The following ZSWIM6 variants were observed in gnomAD, a reference collection of about 807,000 sequenced individuals.
ZSWIM6 encodes the protein zinc finger SWIM-type containing 6, also known as zinc finger SWIM domain-containing protein 6.
In ZSWIM6, 9 loss-of-function variants were observed where a neutral mutation model predicts 113.2. The observed-to-expected ratio is 0.08, with a 90% CI of 0.05 to 0.14. The LOEUF is 0.14. Ranked by LOEUF, ZSWIM6 falls within the 10% of genes least tolerant of loss-of-function variation. The pLI is 1.00. For synonymous variants in ZSWIM6, 611 were observed against 606.5 expected (o/e 1.01, Z -0.11); for missense variants, 1,162 against 1,552.2 (o/e 0.75, Z 4.22).
rs10514910 is a variant in ZSWIM6, at chr5:61,538,505, C to T, written c.2382-309C>T. 0.066 allele frequency among the ~76,000 whole-genome samples: 10,015 copies of T among 151,976 alleles called. 607 individuals carry two copies. Among genetic ancestry groups the T allele is most frequent in the South Asian group, 0.18 (877 of 4,800 alleles). On this transcript the variant is annotated intron_variant, in intron 10 of 13. Transcript: ENST00000252744. ...GTGTTTAAAAGTTCTTCGGTGTTTG[C>T]GTATCTTAATTTATTTGAATATTGT...
At chr5:61,438,132 T>C (rs933962781) in intron 1 of ZSWIM6, among the ~76,000 whole-genome samples, 1 of 152,042 alleles carries the variant, frequency 6.6e-6, no homozygotes, top group African/African-American at 2.4e-5. Flanking sequence ...AGCTACACCT[T>C]CCCCCCATTC....
intron 1 of ZSWIM6, among the ~76,000 whole-genome samples, chr5:61,423,277 G>A (rs1026374108): frequency 6.6e-6 from 1 of 151,934 alleles, no homozygotes; most frequent in Non-Finnish European, 1.5e-5. Context: ...ACATGGTGGC[G>A]GATGCCTGTA....
Position 61,541,756 on chromosome 5 carries a change from A to C in ZSWIM6, c.2704-128A>C, listed in dbSNP as rs559314594. The C allele has an allele frequency of 1.4e-5, 11 of 776,442 alleles. No individual in the cohort carries two copies. The African/African-American group carries it at 1.7e-4, about 12-fold the overall frequency. The allele number at this position is 776,442 out of a possible 1,614,324, so 48.1% of individuals were successfully genotyped here. On this transcript the variant is annotated intron_variant, in intron 12 of 13. Coordinates refer to ENST00000252744, the MANE Select transcript of ZSWIM6 (RefSeq NM_020928.2). Reference sequence around the variant, plus strand: ...AATTCATATGTAGAGCTTTGCTCTAAATTATGCTTTCATCTTCCTGGTGGT... The same window carrying C: ...AATTCATATGTAGAGCTTTGCTCTACATTATGCTTTCATCTTCCTGGTGGT...
At chr5:61,519,943 G>C (rs1307416992) in intron 4 of ZSWIM6, among the ~76,000 whole-genome samples, 1 of 152,126 alleles carries the variant, frequency 6.6e-6, no homozygotes, top group Admixed American at 6.6e-5. Flanking sequence ...TAGTATTTGT[G>C]TTCCTATGAG....
chr5:61,335,885 A>T (rs1033092187), intron 1 of ZSWIM6, among the ~76,000 whole-genome samples: 8 of 152,266 alleles, frequency 5.3e-5, no homozygotes, highest in African/African-American at 1.9e-4. Context: ...AGTAGTTGTA[A>T]GCAATATTTA....
At chr5:61,430,143 A>G (rs1746549550) in intron 1 of ZSWIM6, among the ~76,000 whole-genome samples, 1 of 152,120 alleles carries the variant, frequency 6.6e-6, no homozygotes, top group Non-Finnish European at 1.5e-5. Flanking sequence ...TGACCATGGG[A>G]TGTTTGGAAT....
At position 61,492,250 on chromosome 5, in the gene ZSWIM6, A is replaced by T. The variant is rs184266896; in HGVS notation, c.1182+1316A>T. 2.8e-4 allele frequency among the ~76,000 whole-genome samples: 42 copies of T among 152,280 alleles called. 2 individuals are homozygous for T. Among genetic ancestry groups the T allele is most frequent in the African/African-American group, 1.0e-3 (42 of 41,598 alleles). On this transcript the variant is annotated intron_variant, in intron 3 of 13. Coordinates refer to ENST00000252744, the MANE Select transcript of ZSWIM6 (RefSeq NM_020928.2). The stretch of plus-strand genomic sequence containing the variant: ...ACTAATAATGTAAAAGGTTTAGTAT[A>T]TTTAGACACACAGGAAGTATTTCAT...
At chr5:61,425,063 C>G (rs1167077368) in intron 1 of ZSWIM6, among the ~76,000 whole-genome samples, 1 of 152,170 alleles carries the variant, frequency 6.6e-6, no homozygotes, top group African/African-American at 2.4e-5. Context: ...TAATTAAACT[C>G]TCTTTTGTGC....
chr5:61,344,585 A>G (rs1157735802), intron 1 of ZSWIM6, among the ~76,000 whole-genome samples: 3 of 152,220 alleles, frequency 2.0e-5, no homozygotes, highest in African/African-American at 7.2e-5. Flanking sequence ...AAAAGAAGAC[A>G]AATCAGAAGA....
At chr5:61,517,025 A>T (rs1036241530) in intron 4 of ZSWIM6, among the ~76,000 whole-genome samples, 1 of 152,006 alleles carries the variant, frequency 6.6e-6, no homozygotes, top group Non-Finnish European at 1.5e-5. Context: ...TCAAGTCACT[A>T]TTCTTCTATG....
intron 1 of ZSWIM6, among the ~76,000 whole-genome samples, chr5:61,451,563 TC>T (rs1747087299): frequency 1.3e-5 from 2 of 152,150 alleles, no homozygotes; most frequent in African/African-American, 2.4e-5. Flanking sequence ...TTTTTATCTT[TC>T]CCAGCATAGA....
rs533844446 is a variant in ZSWIM6, at chr5:61,363,825, C to T, written c.676+30877C>T. On this transcript the variant is annotated intron_variant, in intron 1 of 13. Transcript: ENST00000252744. Reference sequence around the variant, plus strand: ...TAGTCTCTGTAGGATAGTTTGTTTCCTTCCTTCCTTCCTCCCTTCCCTTTC... The same window carrying T: ...TAGTCTCTGTAGGATAGTTTGTTTCTTTCCTTCCTTCCTCCCTTCCCTTTC... Among the ~76,000 whole-genome samples the T allele has an allele frequency of 7.5e-4, 113 of 151,090 alleles. 1 individual carries two copies. Among genetic ancestry groups the T allele is most frequent in the Middle Eastern group, 3.4e-3 (1 of 294 alleles).
chr5:61,462,994 T>C (rs1446325466), intron 1 of ZSWIM6, among the ~76,000 whole-genome samples: 2 of 152,236 alleles, frequency 1.3e-5, no homozygotes, highest in African/African-American at 4.8e-5. Context: ...AATGTGTTAC[T>C]AAAATAGCTG....
At chr5:61,415,072 A>T (rs1250396530) in intron 1 of ZSWIM6, among the ~76,000 whole-genome samples, 1 of 152,190 alleles carries the variant, frequency 6.6e-6, no homozygotes, top group Non-Finnish European at 1.5e-5. Flanking sequence ...CCCAGGTTTG[A>T]CTGGCACCAA....
At chr5:61,535,115 C>A (rs1749541877) in intron 9 of ZSWIM6, among the ~76,000 whole-genome samples, 2 of 152,118 alleles carry the variant, frequency 1.3e-5, no homozygotes, top group African/African-American at 2.4e-5. Context: ...GTCATCTGTG[C>A]ATTTACAAAT....
intron 4 of ZSWIM6, among the ~76,000 whole-genome samples, chr5:61,514,444 C>T (rs950663994): frequency 2.0e-5 from 3 of 151,818 alleles, no homozygotes; most frequent in African/African-American, 4.8e-5. Flanking sequence ...GACATCTTTG[C>T]GTTGTTTCTA....
chr5:61,542,940 T>C (rs925367153), intron 13 of ZSWIM6, among the ~76,000 whole-genome samples: 7 of 152,362 alleles, frequency 4.6e-5, no homozygotes, highest in African/African-American at 1.7e-4. Flanking sequence ...TGGTCAGCCA[T>C]TTCCAACGTT....
intron 1 of ZSWIM6, among the ~76,000 whole-genome samples, chr5:61,438,337 G>A (rs1411232859): frequency 6.6e-6 from 1 of 152,130 alleles, no homozygotes; most frequent in Non-Finnish European, 1.5e-5. Flanking sequence ...CACCTCTTCT[G>A]CTTTCTTCCC....
rs928032254 is a variant in ZSWIM6, at chr5:61,519,921, C to T, written c.1334-1342C>T. On this transcript the variant is annotated intron_variant, in intron 4 of 13. Transcript: ENST00000252744. ...GCATGCAACCTAGATCCCTCACATG[C>T]GCATTTCACAATAGTATTTGTGTTC... Among the ~76,000 whole-genome samples, 6 of 152,126 alleles carry T rather than the reference C, an allele frequency of 3.9e-5. No individual in the cohort carries two copies. In the South Asian group the frequency reaches 1.2e-3, roughly 32 times the overall value.
Sources: allele counts gnomAD v4.1 joint callset (sites outside exome capture counted in the v4.1 genomes callset), GRCh38; gene constraint gnomAD v4.1.1; transcripts MANE v1.5; gene names NCBI Gene and HGNC (gene_info 2026-07-23, HGNC 2026-07-21).